MPND: variants seen among roughly 807,000 people sequenced by gnomAD.
The protein encoded by MPND is MPN domain containing, also known as MPN domain-containing protein.
Under a neutral mutation model 59.2 loss-of-function variants are expected in MPND, and 56 were observed. That is an observed-to-expected ratio of 0.95 (90% confidence interval 0.76 to 1.18). MPND has a LOEUF of 1.18. Ranked by LOEUF, MPND falls within the 50% of genes most tolerant of loss-of-function variation. The probability of loss-of-function intolerance (pLI) is 0.00; values close to 1 mark genes in which losing one functional copy is unlikely to be tolerated. For synonymous variants in MPND, 323 were observed against 291.9 expected (o/e 1.11, Z -1.09); for missense variants, 671 against 676.0 (o/e 0.99, Z 0.08).
At chr19:4,358,965 T>C (rs1377588743) in intron 11 of MPND, among the ~76,000 whole-genome samples, 198 bp from the exon 12 acceptor site, 1 of 152,156 alleles carries the variant, frequency 6.6e-6, no homozygotes, top group Non-Finnish European at 1.5e-5. Context: ...GCAACGCTGC[T>C]GCCTCCCCCT....
intron 3 of MPND, among the ~76,000 whole-genome samples, chr19:4,351,754 C>T (rs983718773): frequency 1.7e-4 from 26 of 150,184 alleles, no homozygotes; most frequent in African/African-American, 5.9e-4. Flanking sequence ...CCCAGCTACT[C>T]GGGAGGCTGA....
At chr19:4,352,594 G>C (rs1365752607) in intron 3 of MPND, among the ~76,000 whole-genome samples, 2 of 152,140 alleles carry the variant, frequency 1.3e-5, no homozygotes, top group Non-Finnish European at 2.9e-5. Context: ...TGAGGCAGGA[G>C]AGTCACTTGA....
In MPND at chr19:4,345,755, TCCTGGGCGA is replaced by T; in HGVS notation, c.310_318del (p.Gly104_Leu106del). 2 of 1,613,756 alleles carry T rather than the reference TCCTGGGCGA, an allele frequency of 1.2e-6. No homozygotes were observed. Among genetic ancestry groups the T allele is most frequent in the Non-Finnish European group, 1.7e-6 (2 of 1,179,882 alleles). Reference sequence around the variant, plus strand: ...TGACTGTCACTGCAGGGGAAGAAGTTCCTGGGCGACCTGCAGCCAGACGGAAGGATCATG... The same window carrying T: ...TGACTGTCACTGCAGGGGAAGAAGTTCCTGCAGCCAGACGGAAGGATCATG... On this transcript the variant is annotated inframe_deletion, in exon 3 of 13. Coordinates refer to ENST00000599840, the MANE Select transcript of MPND (RefSeq NM_001300862.2).
At position 4,345,915 on chromosome 19, in the gene MPND, G is replaced by A. The variant is rs771417009; in HGVS notation, c.465G>A (p.Leu155=). 1 of 1,613,794 alleles carries A rather than the reference G, an allele frequency of 6.2e-7. No individual in the cohort carries two copies. The highest frequency in any genetic ancestry group is 8.5e-7 in the Non-Finnish European group (1 of 1,180,022). ...CTGTCAAGTACAAAGGCCAGAAACT[G>A]GACAAGTACAAGGCCACCTGGCTCC... ...WASVKYKGQK[L]DKYKATWLRL... is the part of the protein sequence containing the mutation. Residue 155 remains leucine (L), a synonymous_variant, in exon 3 of 13, where the codon CTG becomes CTA. Transcript: ENST00000599840.
chr19:4,344,087 T>TCCCCTCCCTACACTGA, intron 2 of MPND, 93 bp downstream of exon 2: 2 of 967,478 alleles, frequency 2.1e-6, no homozygotes, highest in Non-Finnish European at 2.7e-6. Context: ...AGCTTCAGTG[T>TCCCCTCCCTACACTGA]AGGGAGGGGA....
At position 4,343,769 on chromosome 19, in the gene MPND, C is replaced by T; in HGVS notation, c.69C>T (p.Asp23=). 1 of 1,208,520 alleles carries T rather than the reference C, an allele frequency of 8.3e-7. No homozygotes were observed. The allele number at this position is 1,208,520 out of a possible 1,614,324, so 74.9% of individuals were successfully genotyped here. A position where few individuals can be genotyped will look rare whatever the true frequency, so the allele number is the denominator to read the frequency against. ...AGGAGGCGCCGGAGGAGGACGAGGA[C>T]GAAGCGGAGGCCGAGGACCCTGAGC... ...AGEEAPEEDE[D]EAEAEDPERP... Residue 23 remains aspartate, a synonymous_variant, in exon 2 of 13, where the codon GAC becomes GAT. Coordinates refer to ENST00000599840, the MANE Select transcript of MPND (RefSeq NM_001300862.2).
rs777433784 is a variant in MPND at position 4,353,039 on chromosome 19, G to A, written c.664+10G>A. 6.8e-6 allele frequency: 9 copies of A among 1,330,108 alleles called. No homozygotes were observed. Among genetic ancestry groups the A allele is most frequent in the Admixed American group, 3.0e-5 (1 of 33,158 alleles). The allele number at this position is 1,330,108 out of a possible 1,614,324, so 82.4% of individuals were successfully genotyped here. Reference sequence around the variant, plus strand: ...GAGCCTGCCCACCCGGGTGAGAGGCGTGGGGAGGGGAGGCAGGACAGGGGC... The same window carrying A: ...GAGCCTGCCCACCCGGGTGAGAGGCATGGGGAGGGGAGGCAGGACAGGGGC... On this transcript the variant is annotated intron_variant, in intron 4 of 12. Coordinates refer to ENST00000599840, the MANE Select transcript of MPND (RefSeq NM_001300862.2).
In MPND at chr19:4,354,105, T is replaced by C. The variant is rs1972379397; in HGVS notation, c.725T>C (p.Met242Thr). ...SKIRVPVRYC[M>T]LGSRDLARNP... ...ATCCGGGTTCCGGTCCGCTACTGCA[T>C]GCTGGGCAGCCGCGACTTGGCCAGG... The change falls in exon 5 of 13, where the codon ATG (methionine) becomes ACG (threonine). Residue 242 changes from methionine to threonine, a missense_variant. Physicochemically the swap from Met to Thr is moderately conservative, Grantham distance 81 (BLOSUM62 -1). Coordinates refer to ENST00000599840, the MANE Select transcript of MPND (RefSeq NM_001300862.2). 1 of 1,612,844 alleles carries C rather than the reference T, an allele frequency of 6.2e-7. No individual in the cohort carries two copies. The highest frequency in any genetic ancestry group is 8.5e-7 in the Non-Finnish European group (1 of 1,178,936).
In MPND at chr19:4,345,843, C is replaced by T. The variant is rs750484180; in HGVS notation, c.393C>T (p.Cys131=). ...FNSPSAWATH[C]KKLVNPAKKS... The stretch of plus-strand genomic sequence containing the variant: ...CACCCAGCGCCTGGGCCACCCACTG[C>T]AAGAAGCTGGTGAACCCTGCCAAGA... Residue 131 remains cysteine, a synonymous_variant, in exon 3 of 13, where the codon TGC becomes TGT. Coordinates refer to ENST00000599840, the MANE Select transcript of MPND (RefSeq NM_001300862.2). 1.9e-6 allele frequency: 3 copies of T among 1,614,074 alleles called. No individual in the cohort carries two copies. The South Asian group carries it at 3.3e-5, about 18-fold the overall frequency.
Position 4,355,518 on chromosome 19 carries a change from G to A in MPND, c.996+345G>A, listed in dbSNP as rs1048230250. ...GCCCAGCTAATTTTTTGTGTTTTTA[G>A]TAGAGACGGGGTTTCACCGCGTTAG... On this transcript the variant is annotated intron_variant, in intron 8 of 12. Transcript: ENST00000599840. 4.6e-5 allele frequency among the ~76,000 whole-genome samples: 7 copies of A among 152,198 alleles called. No homozygotes were observed. In the East Asian group the frequency reaches 1.2e-3, roughly 25 times the overall value.
intron 3 of MPND, among the ~76,000 whole-genome samples, chr19:4,349,684 T>C (rs1972270847): frequency 6.6e-6 from 1 of 151,618 alleles, no homozygotes; most frequent in Non-Finnish European, 1.5e-5. Flanking sequence ...TTAATTTTTG[T>C]ATTTTTAGTA....
intron 3 of MPND, among the ~76,000 whole-genome samples, chr19:4,352,297 T>A (rs1972336440): frequency 6.6e-6 from 1 of 152,238 alleles, no homozygotes; most frequent in South Asian, 2.1e-4. Context: ...CAGTAGGATA[T>A]AAATAGCTCC....
chr19:4,357,836 C>T (rs1972477676), intron 10 of MPND: 1 of 606,050 alleles, frequency 1.7e-6, no homozygotes. Flanking sequence ...CTTCATTCCC[C>T]AATCCTGCCC....
intron 10 of MPND, 53 bp from the exon 11 acceptor site, chr19:4,358,030 G>T: frequency 3.4e-6 from 5 of 1,459,690 alleles, no homozygotes; most frequent in Non-Finnish European, 4.7e-6. Context: ...GTCCCCAGCT[G>T]CCATGGGCTG....
chr19:4,346,404 C>G (rs759527023), intron 3 of MPND, among the ~76,000 whole-genome samples: 1 of 151,964 alleles, frequency 6.6e-6, no homozygotes, highest in Admixed American at 6.6e-5. Context: ...ACCAAGGACC[C>G]TTTGTGTGCC....
chr19:4,354,502 C>T (rs1205173538), intron 6 of MPND, 82 bp downstream of exon 6: 1 of 1,120,938 alleles, frequency 8.9e-7, no homozygotes, highest in East Asian at 2.6e-5. Flanking sequence ...TGCGTATCAG[C>T]TCCATGAGAG....
chr19:4,358,511 GACATA>G (rs1599579966), intron 11 of MPND: 2 of 256,032 alleles, frequency 7.8e-6, no homozygotes, highest in East Asian at 1.8e-4. Flanking sequence ...AACTAAGGCA[GACATA>G]GTGGCTCACG....
chr19:4,357,504 T>C lies in MPND; in HGVS notation c.1166-11T>C. The C allele has an allele frequency of 1.2e-6, 2 of 1,612,552 alleles. No individual in the cohort carries two copies. The highest frequency in any genetic ancestry group is 1.7e-5 in the Admixed American group (1 of 59,814). ...CTCCCAGGGCCAACCCCTCTCCCTCTCTCCCGCCAGCCCCTTACTATTCTG... is the reference window on the plus strand; with the variant it reads ...CTCCCAGGGCCAACCCCTCTCCCTCCCTCCCGCCAGCCCCTTACTATTCTG... On this transcript the variant is annotated splice_polypyrimidine_tract_variant and intron_variant, in intron 9 of 12. Transcript: ENST00000599840.
At chr19:4,353,094 G>T (rs374039775) in intron 4 of MPND, 65 bp downstream of exon 4, 29 of 1,247,362 alleles carry the variant, frequency 2.3e-5, no homozygotes, top group East Asian at 8.6e-5. Context: ...GAGGAGACTG[G>T]GGAGAGGTTG....
Sources: gnomAD v4.1 joint callset for allele counts (sites outside exome capture counted in the v4.1 genomes callset) on GRCh38, gnomAD v4.1.1 for gene constraint, MANE v1.5 for transcripts, NCBI Gene and HGNC (gene_info 2026-07-23, HGNC 2026-07-21) for gene names.